DYTN: variants seen among roughly 807,000 people sequenced by gnomAD.
DYTN encodes the protein dystrotelin.
In DYTN, 75 loss-of-function variants were observed where a neutral mutation model predicts 69.6. The observed-to-expected ratio is 1.08, with a 90% CI of 0.89 to 1.31. DYTN has a LOEUF of 1.31. Among genes scored for constraint, DYTN ranks in the 50% most tolerant of loss-of-function variants. DYTN has a pLI of 0.00. For missense variants in DYTN, 726 were observed against 688.4 expected (o/e 1.05, Z -0.61); for synonymous variants, 252 against 249.1 (o/e 1.01, Z -0.11).
At chr2:206,662,590 A>T (rs984015564) in intron 11 of DYTN, among the ~76,000 whole-genome samples, 6 of 151,944 alleles carry the variant, frequency 3.9e-5, no homozygotes, top group African/African-American at 1.5e-4. Flanking sequence ...CCAGTTATAT[A>T]TGATTTAGGG....
chr2:206,677,994 A>G (rs2105892789), intron 9 of DYTN, among the ~76,000 whole-genome samples: 1 of 152,294 alleles, frequency 6.6e-6, no homozygotes, highest in Admixed American at 6.5e-5. Flanking sequence ...CATCTCAAAA[A>G]AAAAAAGACT....
intron 6 of DYTN, 60 bp downstream of exon 6, chr2:206,700,085 C>G: frequency 6.2e-6 from 10 of 1,601,494 alleles, no homozygotes; most frequent in South Asian, 1.1e-5. Flanking sequence ...AATCAGTCAG[C>G]AAACTATCCC....
intron 1 of DYTN, among the ~76,000 whole-genome samples, chr2:206,716,886 C>G (rs1011188164): frequency 6.6e-6 from 1 of 152,086 alleles, no homozygotes; most frequent in African/African-American, 2.4e-5. Flanking sequence ...ACTCTCCTGT[C>G]AAGTTATGCT....
At position 206,672,649 on chromosome 2, in the gene DYTN, A is replaced by G. The variant is rs146209239; in HGVS notation, c.981-6620T>C. The stretch of plus-strand genomic sequence containing the variant: ...GTCACAAGACTTACTCTCCACTCAC[A>G]CTTAACTGCAATACGGAAACTCCAG... On this transcript the variant is annotated intron_variant, in intron 9 of 11. Transcript: ENST00000452335. Among the ~76,000 whole-genome samples, 5 of 152,340 alleles carry G rather than the reference A, an allele frequency of 3.3e-5. No individual in the cohort carries two copies. The East Asian group carries it at 9.6e-4, about 29-fold the overall frequency.
At position 206,651,744 on chromosome 2, in the gene DYTN, CTT is replaced by C. The variant is rs1699388629; in HGVS notation, c.*72_*73del. 2.0e-5 allele frequency: 28 copies of C among 1,377,374 alleles called. No homozygotes were observed. In the South Asian group the frequency reaches 3.4e-4, roughly 17 times the overall value. The allele number at this position is 1,377,374 out of a possible 1,614,324, so 85.3% of individuals were successfully genotyped here. ...AAACTATTAAAAGAAAGGTAGAAGTCTTAATTCTTTTAATACAGTTGTGCAAC... is the reference window on the plus strand; with the variant it reads ...AAACTATTAAAAGAAAGGTAGAAGTCAATTCTTTTAATACAGTTGTGCAAC... On this transcript the variant is annotated 3_prime_UTR_variant, in exon 12 of 12. Coordinates refer to ENST00000452335, the MANE Select transcript of DYTN (RefSeq NM_001093730.1).
At chr2:206,696,034 T>A (rs1430239968) in intron 7 of DYTN, among the ~76,000 whole-genome samples, 3 of 152,194 alleles carry the variant, frequency 2.0e-5, no homozygotes, top group African/African-American at 7.2e-5. Flanking sequence ...AGTAATAACT[T>A]CCAGAATTAG....
chr2:206,657,185 C>T (rs989922228), intron 11 of DYTN, among the ~76,000 whole-genome samples: 1 of 152,078 alleles, frequency 6.6e-6, no homozygotes, highest in Non-Finnish European at 1.5e-5. Flanking sequence ...GTGTGATTAG[C>T]TCACTGTAAC....
Position 206,665,925 on chromosome 2 carries a change from T to G in DYTN, c.1085A>C (p.Lys362Thr). ...CRFETRIHKL[K>T]TNQDSLWTKL... ...GGTCCATAGACTATCCTGGTTGGTT[T>G]TGAGTTTGTGAATCCTTGTTTCAAA... The change falls in exon 10 of 12, where the codon AAA (lysine) becomes ACA (threonine). Residue 362 changes from lysine (K) to threonine (T), a missense_variant. Coordinates refer to ENST00000452335, the MANE Select transcript of DYTN (RefSeq NM_001093730.1). 1 of 1,613,998 alleles carries G rather than the reference T, an allele frequency of 6.2e-7. No homozygotes were observed.
chr2:206,676,928 A>AG (rs1020934840), intron 9 of DYTN, among the ~76,000 whole-genome samples: 2 of 152,134 alleles, frequency 1.3e-5, no homozygotes, highest in African/African-American at 4.8e-5. Context: ...TTTTCTTAAA[A>AG]AAAACTGATT....
intron 7 of DYTN, among the ~76,000 whole-genome samples, chr2:206,699,003 G>GTAA (rs1174344449): frequency 3.3e-5 from 5 of 152,202 alleles, no homozygotes; most frequent in Non-Finnish European, 1.5e-5. Context: ...ACAACCCTTT[G>GTAA]TATAGGCTTA....
chr2:206,696,365 G>A (rs749091421), intron 7 of DYTN, among the ~76,000 whole-genome samples: 73 of 152,304 alleles, frequency 4.8e-4, no homozygotes, highest in Middle Eastern at 3.4e-3. Flanking sequence ...GATCAAAGTC[G>A]TTTAGAGGAG....
At chr2:206,704,740 A>G (rs1230959648) in intron 5 of DYTN, 103 bp downstream of exon 5, 6 of 957,142 alleles carry the variant, frequency 6.3e-6, no homozygotes, top group African/African-American at 4.9e-5. Flanking sequence ...GCATGGAGTT[A>G]TATATAAAGA....
chr2:206,695,169 C>T (rs1699907628), intron 7 of DYTN, among the ~76,000 whole-genome samples: 2 of 152,304 alleles, frequency 1.3e-5, no homozygotes, highest in Admixed American at 1.3e-4. Flanking sequence ...CTTCTATATG[C>T]AGGGTGCTGT....
At chr2:206,689,094 T>C (rs377215775) in intron 9 of DYTN, among the ~76,000 whole-genome samples, 6 of 152,242 alleles carry the variant, frequency 3.9e-5, no homozygotes, top group African/African-American at 1.4e-4. Context: ...TTTTTAACTA[T>C]GTTTTCAAGA....
intron 7 of DYTN, among the ~76,000 whole-genome samples, chr2:206,698,613 T>G (rs1472288147): frequency 6.6e-6 from 1 of 152,188 alleles, no homozygotes; most frequent in African/African-American, 2.4e-5. Context: ...ACCTGGTGGT[T>G]TCTTTCTCTT....
chr2:206,693,342 T>C lies in DYTN; in HGVS notation c.832-19A>G. On this transcript the variant is annotated intron_variant, in intron 8 of 11. Transcript: ENST00000452335. ...CTGACATCTGCTGAAAGGGCCAACA[T>C]TTTTAAAAAGCGTCAGATCAGTCTA... is the stretch of plus-strand genomic sequence containing the variant. The C allele has an allele frequency of 1.2e-6, 2 of 1,607,744 alleles. No homozygotes were observed. Among genetic ancestry groups the C allele is most frequent in the Non-Finnish European group, 1.7e-6 (2 of 1,178,992 alleles).
intron 2 of DYTN, among the ~76,000 whole-genome samples, chr2:206,708,034 A>T (rs1700044484): frequency 6.6e-6 from 1 of 152,232 alleles, no homozygotes; most frequent in South Asian, 2.1e-4. Context: ...CTCTTCTGTA[A>T]AGATCTTTAG....
intron 5 of DYTN, among the ~76,000 whole-genome samples, chr2:206,702,735 T>A (rs1425432426): frequency 2.0e-5 from 3 of 150,216 alleles, no homozygotes; most frequent in Non-Finnish European, 1.5e-5. Context: ...ATAGGATGAC[T>A]CTCACCAGCT....
rs148451967 is a variant in DYTN, at chr2:206,698,779, G to A, written c.719+948C>T. Reference sequence around the variant, plus strand: ...ACCTCCAAATCTAGCTCTCAAATCTGCTTTTTGCTCCAGGTGGAGAGAAGA... The same window carrying A: ...ACCTCCAAATCTAGCTCTCAAATCTACTTTTTGCTCCAGGTGGAGAGAAGA... On this transcript the variant is annotated intron_variant, in intron 7 of 11. Transcript: ENST00000452335. Among the ~76,000 whole-genome samples the A allele has an allele frequency of 1.1e-3, 173 of 152,324 alleles. 2 individuals are homozygous for A. The highest frequency in any genetic ancestry group is 4.1e-3 in the African/African-American group (171 of 41,576).
Sources: allele counts gnomAD v4.1 joint callset (sites outside exome capture counted in the v4.1 genomes callset), GRCh38; gene constraint gnomAD v4.1.1; transcripts MANE v1.5; gene names NCBI Gene and HGNC (gene_info 2026-07-23, HGNC 2026-07-21).